RBFOX1: variants seen among roughly 807,000 people sequenced by gnomAD.
RBFOX1 encodes the protein RNA binding fox-1 homolog 1.
Under a neutral mutation model 57.7 loss-of-function variants are expected in RBFOX1, and 8 were observed. The observed-to-expected ratio is 0.14, with a 90% confidence interval of 0.08 to 0.25. The LOEUF is 0.25. Among genes scored for constraint, RBFOX1 ranks in the 10% least tolerant of loss-of-function variants. The pLI is 1.00. For synonymous variants in RBFOX1, 326 were observed against 222.4 expected, an observed-to-expected ratio of 1.47 and a Z score of -4.15; for missense variants, 611 against 548.5, an observed-to-expected ratio of 1.11 and a Z score of -1.14.
chr16:6,501,492 G>C (rs1431881540), intron 2 of RBFOX1, among the ~76,000 whole-genome samples: 1 of 151,910 alleles, frequency 6.6e-6, no homozygotes, highest in African/African-American at 2.4e-5. Flanking sequence ...TGGCTGCATA[G>C]TACTCCATGG....
chr16:7,410,480 G>C (rs2098412861), intron 4 of RBFOX1, among the ~76,000 whole-genome samples: 1 of 152,162 alleles, frequency 6.6e-6, no homozygotes, highest in South Asian at 2.1e-4. Flanking sequence ...TTGGGAGTTC[G>C]AGACCAGCCT....
chr16:7,460,413 GTGTGTA>G lies in RBFOX1; in HGVS notation c.28-57732_28-57727del, dbSNP rs1324838907. ...TATGTGTGTGTGTGTGTGTGTGTGT[GTGTGTA>G]TATACATATGTGTGTGTATATATGT... is the stretch of plus-strand genomic sequence containing the variant. On this transcript the variant is annotated intron_variant, in intron 4 of 15. Coordinates refer to ENST00000550418, the MANE Select transcript of RBFOX1 (RefSeq NM_018723.4). Among the ~76,000 whole-genome samples the G allele has an allele frequency of 8.9e-4, 92 of 103,074 alleles. 1 individual carries two copies. The highest frequency in any genetic ancestry group is 6.0e-3 in the Middle Eastern group (1 of 168). The allele number at this position is 103,074 out of a possible 152,430, so 67.6% of individuals were successfully genotyped here. A position where few individuals can be genotyped will look rare whatever the true frequency, so the allele number is the denominator to read the frequency against.
intron 2 of RBFOX1, among the ~76,000 whole-genome samples, chr16:6,446,620 G>T (rs767423420): frequency 3.9e-5 from 6 of 152,124 alleles, no homozygotes; most frequent in African/African-American, 7.2e-5. Context: ...ATTACTTACA[G>T]ATCCTTGGTT....
chr16:7,613,869 A>G (rs143450754), intron 10 of RBFOX1, among the ~76,000 whole-genome samples: 59 of 152,320 alleles, frequency 3.9e-4, no homozygotes, highest in African/African-American at 1.4e-3. Context: ...CCCACCTTTG[A>G]TCACTGTGGT....
At chr16:7,067,365 G>C (rs962397904) in intron 4 of RBFOX1, among the ~76,000 whole-genome samples, 1 of 151,608 alleles carries the variant, frequency 6.6e-6, no homozygotes, top group African/African-American at 2.4e-5. Context: ...CTTTAGGTCA[G>C]AATTTCAACA....
intron 3 of RBFOX1, among the ~76,000 whole-genome samples, chr16:6,914,718 C>G (rs576642388): frequency 6.6e-6 from 1 of 152,110 alleles, no homozygotes; most frequent in Non-Finnish European, 1.5e-5. Flanking sequence ...TACCAATAAG[C>G]TGAAAATTAA....
chr16:5,836,487 A>C (rs1363863954), intron 3 of RBFOX1, among the ~76,000 whole-genome samples: 1 of 152,004 alleles, frequency 6.6e-6, no homozygotes, highest in Non-Finnish European at 1.5e-5. Flanking sequence ...ACCATGACCC[A>C]CCTTCTTCTT....
intron 1 of RBFOX1, among the ~76,000 whole-genome samples, chr16:6,141,320 G>C (rs190649813): frequency 6.6e-6 from 1 of 152,246 alleles, no homozygotes; most frequent in Non-Finnish European, 1.5e-5. Flanking sequence ...AGGGCGATAC[G>C]GAAGAGCTGA....
At chr16:6,393,979 C>T (rs554006097) in intron 2 of RBFOX1, among the ~76,000 whole-genome samples, 4 of 152,268 alleles carry the variant, frequency 2.6e-5, no homozygotes, top group African/African-American at 9.6e-5. Context: ...CAACAAGAAT[C>T]TTGGAAGGCG....
chr16:6,644,608 A>G lies in RBFOX1; in HGVS notation c.-63-9995A>G, dbSNP rs1381673874. Among the ~76,000 whole-genome samples, 3 of 152,340 alleles carry G rather than the reference A, an allele frequency of 2.0e-5. No homozygotes were observed. In the East Asian group the frequency reaches 5.8e-4, roughly 29 times the overall value. ...AGTCCAGGAGAACAATGCTGTGCCC[A>G]GGATATGTGATCCTTACTTAGCTTC... On this transcript the variant is annotated intron_variant, in intron 2 of 15. Coordinates refer to ENST00000550418, the MANE Select transcript of RBFOX1 (RefSeq NM_018723.4).
intron 4 of RBFOX1, among the ~76,000 whole-genome samples, chr16:7,141,864 TA>T (rs1291185637): frequency 6.6e-6 from 1 of 152,148 alleles, no homozygotes; most frequent in Non-Finnish European, 1.5e-5. Flanking sequence ...TCTTCTCACC[TA>T]TTCTCTGCAC....
At position 6,481,351 on chromosome 16, in the gene RBFOX1, A is replaced by G. The variant is rs184694462; in HGVS notation, c.-64+164294A>G. Among the ~76,000 whole-genome samples, 20 of 152,338 alleles carry G rather than the reference A, an allele frequency of 1.3e-4. No homozygotes were observed. In the East Asian group the frequency reaches 2.5e-3, roughly 19 times the overall value. On this transcript the variant is annotated intron_variant, in intron 2 of 15. Coordinates refer to ENST00000550418, the MANE Select transcript of RBFOX1 (RefSeq NM_018723.4). ...CCCTTGCACATGAGAATAGCAATTT[A>G]TATCAATAACCAGGTCTGGCAACAT...
intron 10 of RBFOX1, among the ~76,000 whole-genome samples, chr16:7,616,897 A>G (rs779347707): frequency 6.6e-6 from 1 of 152,126 alleles, no homozygotes; most frequent in Non-Finnish European, 1.5e-5. Flanking sequence ...GGAGCTGGCC[A>G]AAGTCCAATC....
chr16:7,251,593 T>C (rs896310760), intron 4 of RBFOX1, among the ~76,000 whole-genome samples: 1 of 152,056 alleles, frequency 6.6e-6, no homozygotes, highest in African/African-American at 2.4e-5. Flanking sequence ...CTAATTTTTG[T>C]ATTTTTAGTG....
intron 2 of RBFOX1, among the ~76,000 whole-genome samples, chr16:6,394,111 C>T (rs150790623): frequency 2.0e-4 from 30 of 152,294 alleles, no homozygotes; most frequent in Non-Finnish European, 4.3e-4. Context: ...AAACAGGGCA[C>T]TAGTGTTCCA....
At chr16:5,872,510 C>T (rs907337320) in intron 4 of RBFOX1, among the ~76,000 whole-genome samples, 3 of 151,962 alleles carry the variant, frequency 2.0e-5, no homozygotes, top group Non-Finnish European at 4.4e-5. Context: ...GCAGGAAGAT[C>T]ACTTGAGCCC....
At chr16:6,568,724 G>C (rs1261665019) in intron 2 of RBFOX1, among the ~76,000 whole-genome samples, 4 of 152,078 alleles carry the variant, frequency 2.6e-5, no homozygotes, top group African/African-American at 2.4e-5. Flanking sequence ...TTCCATTTCA[G>C]GGGCCAGTTG....
intron 3 of RBFOX1, among the ~76,000 whole-genome samples, chr16:6,830,873 C>CT (rs2092657682): frequency 6.6e-6 from 1 of 152,164 alleles, no homozygotes. Flanking sequence ...GATAGTAACT[C>CT]TCCCACCTCC....
intron 3 of RBFOX1, among the ~76,000 whole-genome samples, chr16:5,806,646 G>C (rs866851975): frequency 6.6e-6 from 1 of 152,328 alleles, no homozygotes; most frequent in Middle Eastern, 3.4e-3. Context: ...CCAAGACAGT[G>C]AAACCAGCTA....
Sources: gnomAD v4.1 joint callset for allele counts (sites outside exome capture counted in the v4.1 genomes callset) on GRCh38, gnomAD v4.1.1 for gene constraint, MANE v1.5 for transcripts, NCBI Gene and HGNC (gene_info 2026-07-23, HGNC 2026-07-21) for gene names.